The following VSNL1 variants were observed in gnomAD, a reference collection of about 807,000 sequenced individuals.
VSNL1 encodes visinin-like protein 1.
VSNL1 carries 6 observed loss-of-function variants against 20.4 expected under a neutral mutation model. That is an observed-to-expected ratio of 0.29 (90% CI 0.16 to 0.58). The LOEUF (loss-of-function observed/expected upper bound fraction) is 0.58. Ranked by LOEUF, VSNL1 falls within the 20% of genes least tolerant of loss-of-function variation. The pLI is 0.90. For synonymous variants in VSNL1, 93 were observed against 86.4 expected, an observed-to-expected ratio of 1.08 and a Z score of -0.42; for missense variants, 100 against 234.5, an observed-to-expected ratio of 0.43 and a Z score of 3.75.
At chr2:17,542,825 CAG>C (rs1663318297) in intron 1 of VSNL1, among the ~76,000 whole-genome samples, 1 of 152,160 alleles carries the variant, frequency 6.6e-6, no homozygotes, top group Non-Finnish European at 1.5e-5. Flanking sequence ...CATAGGTTGA[CAG>C]AGAGGATCAA....
chr2:17,638,769 G>A (rs1665816160), intron 2 of VSNL1, among the ~76,000 whole-genome samples: 1 of 152,208 alleles, frequency 6.6e-6, no homozygotes, highest in Admixed American at 6.5e-5. Flanking sequence ...CTTGACCGCT[G>A]AGGCAAGAAT....
chr2:17,577,039 TAGGCTACAAGCCTGTACAGC>T (rs1335417837), intron 1 of VSNL1, among the ~76,000 whole-genome samples: 1 of 152,252 alleles, frequency 6.6e-6, no homozygotes, highest in African/African-American at 2.4e-5. Context: ...CACCTGCCTA[TAGGCTACAAGCCTGTACAGC>T]AGGTTACTGT....
intron 2 of VSNL1, among the ~76,000 whole-genome samples, chr2:17,630,206 A>C (rs1665600877): frequency 6.6e-6 from 1 of 152,180 alleles, no homozygotes; most frequent in South Asian, 2.1e-4. Flanking sequence ...TGTACCTTGG[A>C]GGTAGGGTTT....
intron 1 of VSNL1, among the ~76,000 whole-genome samples, chr2:17,579,930 G>A (rs1195301186): frequency 6.6e-6 from 1 of 152,160 alleles, no homozygotes; most frequent in Non-Finnish European, 1.5e-5. Context: ...AGAAGCTCAG[G>A]AGAACCCTGA....
intron 2 of VSNL1, among the ~76,000 whole-genome samples, chr2:17,616,487 A>G (rs942021594): frequency 3.9e-5 from 6 of 152,218 alleles, no homozygotes; most frequent in African/African-American, 1.4e-4. Context: ...CCTACAAAGA[A>G]GAGGTAGAAT....
intron 1 of VSNL1, among the ~76,000 whole-genome samples, chr2:17,547,529 A>G (rs1366818501): frequency 6.6e-6 from 1 of 152,102 alleles, no homozygotes; most frequent in Admixed American, 6.6e-5. Context: ...ACTGCAGAAC[A>G]AAATTAAGTA....
intron 2 of VSNL1, among the ~76,000 whole-genome samples, chr2:17,608,963 C>T (rs773277737): frequency 4.6e-5 from 7 of 152,040 alleles, no homozygotes; most frequent in South Asian, 4.2e-4. Context: ...TGTGTGTGTG[C>T]GTGTGTGTCT....
At chr2:17,550,218 A>G (rs757181278) in intron 1 of VSNL1, among the ~76,000 whole-genome samples, 1 of 152,222 alleles carries the variant, frequency 6.6e-6, no homozygotes, top group East Asian at 1.9e-4. Context: ...TATTATGGTT[A>G]TATCTGCTAA....
At chr2:17,608,285 G>A (rs1446414128) in intron 2 of VSNL1, among the ~76,000 whole-genome samples, 1 of 152,188 alleles carries the variant, frequency 6.6e-6, no homozygotes, top group Non-Finnish European at 1.5e-5. Flanking sequence ...CATAGTCAAG[G>A]TAGTACTTAT....
At chr2:17,602,733 C>A (rs1199236603) in intron 2 of VSNL1, among the ~76,000 whole-genome samples, 1 of 150,812 alleles carries the variant, frequency 6.6e-6, no homozygotes, top group African/African-American at 2.4e-5. Context: ...GAGTAAGACT[C>A]CATCTCAAAA....
At chr2:17,566,260 A>G (rs1221463292) in intron 1 of VSNL1, among the ~76,000 whole-genome samples, 1 of 152,176 alleles carries the variant, frequency 6.6e-6, no homozygotes, top group Non-Finnish European at 1.5e-5. Flanking sequence ...TGTGAGATAT[A>G]TAGTGAAATG....
chr2:17,542,590 A>C (rs868140124), intron 1 of VSNL1, among the ~76,000 whole-genome samples: 4 of 152,250 alleles, frequency 2.6e-5, no homozygotes, highest in African/African-American at 9.6e-5. Context: ...GGAAATCCAC[A>C]GTATAAATCA....
At position 17,581,290 on chromosome 2, in the gene VSNL1, A is replaced by T. The variant is rs543661911; in HGVS notation, c.-5-10780A>T. Among the ~76,000 whole-genome samples, 32 of 152,206 alleles carry T rather than the reference A, an allele frequency of 2.1e-4. 1 individual carries two copies. The highest frequency in any genetic ancestry group is 4.3e-4 in the African/African-American group (18 of 41,516). ...CCCTTCCTCCATTATATTGTATTTA[A>T]TATATGTCCTCAGGTAAGGGTTTAT... On this transcript the variant is annotated intron_variant, in intron 1 of 3. Transcript: ENST00000295156.
chr2:17,589,128 T>C (rs567414070), intron 1 of VSNL1, among the ~76,000 whole-genome samples: 2 of 152,072 alleles, frequency 1.3e-5, no homozygotes, highest in South Asian at 2.1e-4. Flanking sequence ...TTGAGACTAT[T>C]TAAAGAAGGG....
At chr2:17,610,500 G>A (rs1665058687) in intron 2 of VSNL1, among the ~76,000 whole-genome samples, 1 of 152,156 alleles carries the variant, frequency 6.6e-6, no homozygotes, top group Non-Finnish European at 1.5e-5. Context: ...CCCAGCAGCA[G>A]GAAGCACTTG....
intron 1 of VSNL1, among the ~76,000 whole-genome samples, chr2:17,553,218 A>G (rs1201211775): frequency 6.6e-6 from 1 of 152,184 alleles, no homozygotes; most frequent in Non-Finnish European, 1.5e-5. Flanking sequence ...TCCTGGATGG[A>G]TATTTGACCA....
intron 2 of VSNL1, among the ~76,000 whole-genome samples, chr2:17,624,155 A>C (rs1299610231): frequency 6.6e-6 from 1 of 152,198 alleles, no homozygotes; most frequent in Non-Finnish European, 1.5e-5. Flanking sequence ...AGTCTCCTAC[A>C]CTTGTTTCTG....
chr2:17,611,772 C>G (rs970388497), intron 2 of VSNL1, among the ~76,000 whole-genome samples: 2 of 152,220 alleles, frequency 1.3e-5, no homozygotes, highest in Non-Finnish European at 2.9e-5. Context: ...CTGCTATACT[C>G]TTGTCCTGCC....
chr2:17,633,717 G>A (rs534244529), intron 2 of VSNL1, among the ~76,000 whole-genome samples: 3 of 152,234 alleles, frequency 2.0e-5, no homozygotes, highest in African/African-American at 4.8e-5. Flanking sequence ...AAAACAGCTC[G>A]TGACAAGACA....
Sources: allele counts gnomAD v4.1 joint callset (sites outside exome capture counted in the v4.1 genomes callset), GRCh38; gene constraint gnomAD v4.1.1; transcripts MANE v1.5; gene names NCBI Gene and HGNC (gene_info 2026-07-23, HGNC 2026-07-21).